The following MALRD1 variants were observed in gnomAD, a reference collection of about 807,000 sequenced individuals.
MALRD1 encodes MAM and LDL-receptor class A domain-containing protein 1.
MALRD1 carries 247 observed loss-of-function variants against 242.1 expected under a neutral mutation model. That is an observed-to-expected ratio of 1.02 (90% CI 0.92 to 1.13). The LOEUF (loss-of-function observed/expected upper bound fraction) is 1.13, where lower values mean the gene tolerates loss of function less well. MALRD1 is among the 50% of genes most tolerant of loss of function. The probability of loss-of-function intolerance (pLI) is 0.00; values close to 1 mark genes in which losing one functional copy is unlikely to be tolerated. For synonymous variants in MALRD1, 995 were observed against 866.6 expected (o/e 1.15, Z -2.60); for missense variants, 2,989 against 2,533.1 (o/e 1.18, Z -3.86).
intron 18 of MALRD1, 38 bp downstream of exon 18, chr10:19,209,718 C>T (rs771690152): frequency 1.4e-6 from 2 of 1,464,282 alleles, no homozygotes. Flanking sequence ...ATTTGAAATG[C>T]ATCTGAATGT....
At position 19,389,558 on chromosome 10, in the gene MALRD1, C is replaced by G. The variant is rs978550708; in HGVS notation, c.4794C>G (p.Phe1598Leu). 1.3e-6 allele frequency: 2 copies of G among 1,550,598 alleles called. No homozygotes were observed. Among genetic ancestry groups the G allele is most frequent in the African/African-American group, 1.4e-5 (1 of 73,014 alleles). Residue 1598 changes from phenylalanine to leucine, a missense_variant, in exon 28 of 40, where the codon TTC becomes TTG. By Grantham distance (22) the Phe-to-Leu change is conservative (BLOSUM62 0). Coordinates refer to ENST00000454679, the MANE Select transcript of MALRD1 (RefSeq NM_001142308.3). The stretch of plus-strand genomic sequence containing the variant: ...CCAGTGCAGCCTGCACCATGAGCTT[C>G]TGGTATTTCGTATCTGCAAAGGCCA... Reference protein sequence around the residue: ...RESSAACTMSFWYFVSAKATG... With the variant: ...RESSAACTMSLWYFVSAKATG...
rs1484588670 is a variant in MALRD1, at chr10:19,352,335, A to G, written c.4441+38A>G. 11 of 1,514,626 alleles carry G rather than the reference A, an allele frequency of 7.3e-6. No homozygotes were observed. The Admixed American group carries it at 1.2e-4, about 16-fold the overall frequency. 93.8% of individuals were successfully genotyped at this position (1,514,626 alleles called of 1,614,324 possible). A position where few individuals can be genotyped will look rare whatever the true frequency, so the allele number is the denominator to read the frequency against. Reference sequence around the variant, plus strand: ...CTGTGTGTGTGTGTGGTATTTTTGCATGGTGAAAGGTGAAAAGGAAGAAAG... The same window carrying G: ...CTGTGTGTGTGTGTGGTATTTTTGCGTGGTGAAAGGTGAAAAGGAAGAAAG... On this transcript the variant is annotated intron_variant, in intron 26 of 39. Transcript: ENST00000454679.
intron 21 of MALRD1, among the ~76,000 whole-genome samples, chr10:19,286,715 A>C (rs1434633114): frequency 6.6e-6 from 1 of 151,556 alleles, no homozygotes; most frequent in Non-Finnish European, 1.5e-5. Context: ...GACCAGATGG[A>C]TTCACAGCCG....
At chr10:19,153,782 C>T (rs960788641) in intron 11 of MALRD1, among the ~76,000 whole-genome samples, 1 of 151,566 alleles carries the variant, frequency 6.6e-6, no homozygotes, top group Non-Finnish European at 1.5e-5. Flanking sequence ...TTTTCAGTTA[C>T]TTTTGTTGTC....
At chr10:19,094,064 C>G (rs1182759471) in intron 4 of MALRD1, among the ~76,000 whole-genome samples, 12 of 108,458 alleles carry the variant, frequency 1.1e-4, no homozygotes, top group Non-Finnish European at 1.9e-4. Context: ...TGCCCTGCCC[C>G]CAGAGGTGGA....
chr10:19,158,233 T>A (rs1338741102), intron 12 of MALRD1, among the ~76,000 whole-genome samples: 3 of 152,236 alleles, frequency 2.0e-5, no homozygotes, highest in South Asian at 2.1e-4. Flanking sequence ...ATCTCTTACT[T>A]TTAGGACTTC....
chr10:19,065,480 C>G (rs1834950853), intron 1 of MALRD1, among the ~76,000 whole-genome samples: 1 of 151,930 alleles, frequency 6.6e-6, no homozygotes, highest in South Asian at 2.1e-4. Context: ...TTGTAGCTAT[C>G]TGCTGGTTTC....
At chr10:19,617,830 C>T (rs1203502145) in intron 36 of MALRD1, among the ~76,000 whole-genome samples, 1 of 152,084 alleles carries the variant, frequency 6.6e-6, no homozygotes, top group South Asian at 2.1e-4. Context: ...ATGTAACAAA[C>T]CTACACATGT....
intron 18 of MALRD1, among the ~76,000 whole-genome samples, chr10:19,253,533 C>T (rs1839384586): frequency 6.6e-6 from 1 of 151,952 alleles, no homozygotes; most frequent in African/African-American, 2.4e-5. Context: ...TAAATCAGCA[C>T]ATACTCAAGT....
At chr10:19,252,616 T>C (rs752633191) in intron 18 of MALRD1, among the ~76,000 whole-genome samples, 50 of 152,088 alleles carry the variant, frequency 3.3e-4, no homozygotes, top group Non-Finnish European at 5.4e-4. Flanking sequence ...TGACTACTTA[T>C]ATATCCCAGC....
chr10:19,410,877 A>G (rs1295517057), intron 28 of MALRD1, among the ~76,000 whole-genome samples: 2 of 152,190 alleles, frequency 1.3e-5, no homozygotes, highest in Admixed American at 1.3e-4. Context: ...AAGAACATAA[A>G]TGAATCTTTT....
At chr10:19,729,144 A>C (rs1424754892) in intron 38 of MALRD1, among the ~76,000 whole-genome samples, 2 of 152,226 alleles carry the variant, frequency 1.3e-5, no homozygotes, top group African/African-American at 4.8e-5. Flanking sequence ...CACTGAATCC[A>C]CAGGGACAAT....
In MALRD1 at chr10:19,283,162, C is replaced by G; in HGVS notation, c.3400C>G (p.Pro1134Ala). ...SIHHGEENHR[P>A]SVDHTQNTTD... ...TCATCATGGGGAAGAAAACCACAGGCCATCAGTGGATCATACACAGTAAGT... is the reference window on the plus strand; with the variant it reads ...TCATCATGGGGAAGAAAACCACAGGGCATCAGTGGATCATACACAGTAAGT... The change falls in exon 21 of 40, where the codon CCA (proline) becomes GCA (alanine). Residue 1134 changes from proline (P) to alanine (A), a missense_variant. Physicochemically the swap from Pro to Ala is conservative, Grantham distance 27. Coordinates refer to ENST00000454679, the MANE Select transcript of MALRD1 (RefSeq NM_001142308.3). 1 of 1,547,326 alleles carries G rather than the reference C, an allele frequency of 6.5e-7. No homozygotes were observed. The highest frequency in any genetic ancestry group is 8.7e-7 in the Non-Finnish European group (1 of 1,145,102).
intron 28 of MALRD1, among the ~76,000 whole-genome samples, chr10:19,405,450 G>T (rs889861019): frequency 6.6e-6 from 1 of 152,098 alleles, no homozygotes; most frequent in African/African-American, 2.4e-5. Flanking sequence ...TGTTCTAGTT[G>T]CTGCCTGAGA....
chr10:19,099,299 C>T (rs1385625896), intron 4 of MALRD1, among the ~76,000 whole-genome samples: 2 of 152,156 alleles, frequency 1.3e-5, no homozygotes, highest in Non-Finnish European at 2.9e-5. Flanking sequence ...GACTCTTTTA[C>T]CCTCACTATC....
At chr10:19,583,563 A>T (rs1197435112) in intron 33 of MALRD1, among the ~76,000 whole-genome samples, 4 of 151,840 alleles carry the variant, frequency 2.6e-5, no homozygotes, top group Non-Finnish European at 5.9e-5. Flanking sequence ...CTTGCATCCC[A>T]GGGATGAAGC....
intron 26 of MALRD1, among the ~76,000 whole-genome samples, chr10:19,362,808 TAC>T (rs1286372646): frequency 3.9e-5 from 6 of 152,242 alleles, no homozygotes; most frequent in African/African-American, 1.4e-4. Context: ...GCAGCAGGAC[TAC>T]TTAGGAGGAC....
chr10:19,087,540 T>A (rs1389615628), intron 2 of MALRD1, among the ~76,000 whole-genome samples: 2 of 116,682 alleles, frequency 1.7e-5, no homozygotes, highest in African/African-American at 8.1e-5. Flanking sequence ...ACACGTTGTC[T>A]CGTTTCTTTT....
At chr10:19,571,861 T>A (rs1425166357) in intron 33 of MALRD1, among the ~76,000 whole-genome samples, 1 of 152,174 alleles carries the variant, frequency 6.6e-6, no homozygotes, top group African/African-American at 2.4e-5. Flanking sequence ...TAAGATCTTA[T>A]AACAAAACAT....
Sources: allele counts gnomAD v4.1 joint callset (sites outside exome capture counted in the v4.1 genomes callset), GRCh38; gene constraint gnomAD v4.1.1; transcripts MANE v1.5; gene names NCBI Gene and HGNC (gene_info 2026-07-23, HGNC 2026-07-21).